Variants in TMEM150B observed in about 807,000 individuals in gnomAD.
TMEM150B encodes modulator of macroautophagy TMEM150B.
TMEM150B carries 33 observed loss-of-function variants against 25.2 expected under a neutral mutation model. The observed-to-expected ratio is 1.31, with a 90% CI of 0.99 to 1.75. The LOEUF is 1.75. Ranked by LOEUF, TMEM150B falls within the 40% of genes most tolerant of loss-of-function variation. TMEM150B has a pLI of 0.00. For synonymous variants in TMEM150B, 133 were observed against 134.8 expected, an observed-to-expected ratio of 0.99 and a Z score of 0.09; for missense variants, 322 against 306.1, an observed-to-expected ratio of 1.05 and a Z score of -0.39.
intron 2 of TMEM150B, among the ~76,000 whole-genome samples, chr19:55,321,708 C>A (rs734517): frequency 0.13 from 20,154 of 152,096 alleles, 2,628 homozygotes; most frequent in African/African-American, 0.34. Context: ...CTCTCTCCAG[C>A]CTGGAAGACC....
chr19:55,324,574 G>T (rs1216037279), intron 1 of TMEM150B, among the ~76,000 whole-genome samples: 3 of 152,172 alleles, frequency 2.0e-5, no homozygotes, highest in East Asian at 1.9e-4. Flanking sequence ...CTTGAACCCA[G>T]GAGGCGGAGG....
downstream of TMEM150B, among the ~76,000 whole-genome samples, chr19:55,311,078 C>T (rs1231776556): frequency 6.6e-6 from 1 of 152,162 alleles, no homozygotes; most frequent in African/African-American, 2.4e-5. Flanking sequence ...TCTCCCGCCT[C>T]AGCCTGTCGA....
At chr19:55,315,721 A>G (rs1200867843) in intron 7 of TMEM150B, among the ~76,000 whole-genome samples, 1 of 151,122 alleles carries the variant, frequency 6.6e-6, no homozygotes, top group Non-Finnish European at 1.5e-5. Flanking sequence ...AGATCACGCC[A>G]CTTCACTCCA....
At chr19:55,312,016 G>GC (rs756135544), downstream of TMEM150B, 42 of 1,515,250 alleles carry the variant, frequency 2.8e-5, no homozygotes, top group South Asian at 8.8e-5. Flanking sequence ...CCCCGCCGAG[G>GC]CCCCCCCAAG....
chr19:55,313,201 GC>G, intron 7 of TMEM150B, 146 bp from the exon 8 acceptor site: 1 of 809,486 alleles, frequency 1.2e-6, no homozygotes, highest in East Asian at 2.8e-5. Flanking sequence ...CACAGACGGG[GC>G]CTCGCCTTGG....
In TMEM150B at chr19:55,316,922, G is replaced by T; in HGVS notation, c.369C>A (p.Ala123=). 6.2e-7 allele frequency: 1 copy of T among 1,606,934 alleles called. No homozygotes were observed. The highest frequency in any genetic ancestry group is 8.5e-7 in the Non-Finnish European group (1 of 1,177,768). Residue 123 remains alanine, a synonymous_variant, in exon 7 of 8, where the codon GCC becomes GCA. Coordinates refer to ENST00000326652, the MANE Select transcript of TMEM150B (RefSeq NM_001282011.2). ...AGAAGTAGACGTTACCCAAGATGAA[G>T]GCAAGGAAGGCCCCTGCCAAGTGCG... ...RPTHLAGAFL[A]FILGNVYFWL...
chr19:55,316,358 C>T (rs941220847), intron 7 of TMEM150B, among the ~76,000 whole-genome samples: 1 of 112,820 alleles, frequency 8.9e-6, no homozygotes, highest in African/African-American at 3.5e-5. Flanking sequence ...TCACTCGTAA[C>T]CACATGATTC....
intron 6 of TMEM150B, among the ~76,000 whole-genome samples, chr19:55,317,912 C>T (rs1750113851): frequency 6.6e-6 from 1 of 151,898 alleles, no homozygotes; most frequent in African/African-American, 2.4e-5. Context: ...GAGATGGCAC[C>T]ATCGCACACC....
intron 7 of TMEM150B, among the ~76,000 whole-genome samples, chr19:55,313,973 G>A (rs191602620): frequency 8.3e-4 from 126 of 152,318 alleles, no homozygotes; most frequent in African/African-American, 2.9e-3. Context: ...GCCAAGGTGG[G>A]AGGATTGCCT....
downstream of TMEM150B, among the ~76,000 whole-genome samples, chr19:55,311,592 A>G (rs1051057790): frequency 1.3e-5 from 2 of 152,192 alleles, no homozygotes; most frequent in Non-Finnish European, 2.9e-5. Flanking sequence ...CCTAGCGAAC[A>G]GTATCATAAC....
intron 7 of TMEM150B, among the ~76,000 whole-genome samples, chr19:55,315,886 C>T (rs1014116569): frequency 6.6e-5 from 10 of 152,034 alleles, no homozygotes; most frequent in African/African-American, 1.7e-4. Context: ...GCTGAGATCA[C>T]GCCACTGCAC....
downstream of TMEM150B, among the ~76,000 whole-genome samples, chr19:55,310,807 G>A (rs2088771329): frequency 1.3e-5 from 2 of 152,112 alleles, no homozygotes; most frequent in South Asian, 4.1e-4. The surrounding 1 kb of genome is among the most constrained non-coding windows in gnomAD (Gnocchi z 5.0). Flanking sequence ...GAGGAAAGCT[G>A]GCCTCAGCAA....
chr19:55,316,353 C>T (rs1044363372), intron 7 of TMEM150B, among the ~76,000 whole-genome samples: 2 of 111,768 alleles, frequency 1.8e-5, no homozygotes, highest in African/African-American at 7.1e-5. Flanking sequence ...CGTCTTCACT[C>T]GTAACCACAT....
intron 7 of TMEM150B, among the ~76,000 whole-genome samples, chr19:55,314,575 TA>T (rs2123049776): frequency 6.6e-6 from 1 of 152,208 alleles, no homozygotes; most frequent in Admixed American, 6.5e-5. Flanking sequence ...GACACTCAGC[TA>T]GCTGTCTTTA....
At chr19:55,320,000 G>A (rs754233901) in intron 6 of TMEM150B, 39 bp downstream of exon 6, 18 of 1,612,806 alleles carry the variant, frequency 1.1e-5, no homozygotes, top group Non-Finnish European at 1.4e-5. Context: ...AGTTCCAGAC[G>A]CCGGCCGGGA....
In TMEM150B at chr19:55,316,967, C is replaced by G. The variant is rs1045061838; in HGVS notation, c.325-1G>C. 1 of 1,597,008 alleles carries G rather than the reference C, an allele frequency of 6.3e-7. No individual in the cohort carries two copies. Among genetic ancestry groups the G allele is most frequent in the Non-Finnish European group, 8.5e-7 (1 of 1,174,040 alleles). Reference sequence around the variant, plus strand: ...AGTGCGTAGGCCGCTGGTTCTTTTCCTGGGAGGAGAAGGGAGAAGTTGGGA... The same window carrying G: ...AGTGCGTAGGCCGCTGGTTCTTTTCGTGGGAGGAGAAGGGAGAAGTTGGGA... On this transcript the variant is annotated splice_acceptor_variant, in intron 6 of 7. Transcript: ENST00000326652. LOFTEE classifies it high-confidence loss of function.
intron 7 of TMEM150B, among the ~76,000 whole-genome samples, chr19:55,315,558 A>G (rs959893218): frequency 6.6e-6 from 1 of 152,092 alleles, no homozygotes; most frequent in Non-Finnish European, 1.5e-5. Context: ...TCAAGAGATC[A>G]AGACCATCCT....
intron 7 of TMEM150B, among the ~76,000 whole-genome samples, chr19:55,314,929 G>A (rs992505077): frequency 6.6e-6 from 1 of 152,160 alleles, no homozygotes; most frequent in African/African-American, 2.4e-5. Context: ...CTGAATGCCT[G>A]CACACTCTGG....
chr19:55,314,044 CAG>C lies in TMEM150B; in HGVS notation c.506-991_506-990del, dbSNP rs994267702. Among the ~76,000 whole-genome samples, 11 of 152,084 alleles carry C rather than the reference CAG, an allele frequency of 7.2e-5. No homozygotes were observed. In the East Asian group the frequency reaches 7.8e-4, roughly 11 times the overall value. Reference sequence around the variant, plus strand: ...GCGAGACCTGGTCTTTTTTTTGAAACAGAGTCTCACTCTGTGTCCCAGGCTGG... The same window carrying C: ...GCGAGACCTGGTCTTTTTTTTGAAACAGTCTCACTCTGTGTCCCAGGCTGG... On this transcript the variant is annotated intron_variant, in intron 7 of 7. Transcript: ENST00000326652.
Sources: allele counts gnomAD v4.1 joint callset (sites outside exome capture counted in the v4.1 genomes callset), GRCh38; gene constraint gnomAD v4.1.1; non-coding constraint Gnocchi (gnomAD v3.1); transcripts MANE v1.5; gene names NCBI Gene and HGNC (gene_info 2026-07-23, HGNC 2026-07-21).